BRCA1: variants seen among roughly 807,000 people sequenced by gnomAD.
BRCA1 encodes BRCA1 DNA repair associated.
Under a neutral mutation model 173.7 loss-of-function variants are expected in BRCA1, and 140 were observed. That is an observed-to-expected ratio of 0.81 (90% CI 0.70 to 0.93). The LOEUF (loss-of-function observed/expected upper bound fraction) is 0.93, where lower values mean the gene tolerates loss of function less well. Ranked by LOEUF, BRCA1 falls within the 40% of genes least tolerant of loss-of-function variation. The probability of loss-of-function intolerance (pLI) is 0.00; values close to 1 mark genes in which losing one functional copy is unlikely to be tolerated. For missense variants in BRCA1, 1,983 were observed against 2,172.5 expected, an observed-to-expected ratio of 0.91 and a Z score of 1.73; for synonymous variants, 662 against 756.0, an observed-to-expected ratio of 0.88 and a Z score of 2.04.
Position 43,093,743 on chromosome 17 carries a change from G to A in BRCA1, c.1788C>T (p.Leu596=), listed in dbSNP as rs779253414. 3.1e-6 allele frequency: 5 copies of A among 1,613,930 alleles called. No individual in the cohort carries two copies. Among genetic ancestry groups the A allele is most frequent in the Non-Finnish European group, 3.4e-6 (4 of 1,179,994 alleles). The change falls in exon 10 of 23, where the codon CTC becomes CTT. Residue 596 remains leucine, a synonymous_variant. Coordinates refer to ENST00000357654, the MANE Select transcript of BRCA1 (RefSeq NM_007294.4). The part of the protein sequence containing the change: ...PISSSISNME[L]ELNIHNSKAP... ...CTTTTGAATTGTGGATATTTAATTC[G>A]AGTTCCATATTGCTTATACTGCTGC...
chr17:43,123,329 C>G (rs1238220153), intron 2 of BRCA1, among the ~76,000 whole-genome samples: 9 of 146,476 alleles, frequency 6.1e-5, no homozygotes, highest in Admixed American at 2.1e-4. Context: ...CCTATCCTCT[C>G]AACGACACCG....
chr17:43,114,543 T>C (rs779714034), intron 3 of BRCA1, among the ~76,000 whole-genome samples: 56 of 151,960 alleles, frequency 3.7e-4, no homozygotes, highest in Non-Finnish European at 5.9e-5. Flanking sequence ...TTCTAGGAAA[T>C]TCATAAAGAC....
chr17:43,093,034 A>G lies in BRCA1; in HGVS notation c.2497T>C (p.Leu833=), dbSNP rs887578121. ...RNDTEGFKYP[L]GHEVNHSRET... Reference sequence around the variant, plus strand: ...CGACTGTGGTTAACTTCATGTCCCAATGGATACTTAAAGCCTTCTGTGTCA... The same window carrying G: ...CGACTGTGGTTAACTTCATGTCCCAGTGGATACTTAAAGCCTTCTGTGTCA... Residue 833 remains leucine (L), a synonymous_variant, in exon 10 of 23, where the codon TTG becomes CTG. Transcript: ENST00000357654. 5 of 1,613,792 alleles carry G rather than the reference A, an allele frequency of 3.1e-6. No individual in the cohort carries two copies. Among genetic ancestry groups the G allele is most frequent in the African/African-American group, 1.3e-5 (1 of 74,934 alleles).
chr17:43,153,312 G>A (rs2056175031), intron 1 of BRCA1, among the ~76,000 whole-genome samples: 1 of 152,168 alleles, frequency 6.6e-6, no homozygotes, highest in South Asian at 2.1e-4. Context: ...AGGAGCTGAA[G>A]TCCTTTAAAA....
intron 10 of BRCA1, 147 bp downstream of exon 10, chr17:43,091,288 G>T: frequency 8.9e-7 from 1 of 1,117,436 alleles, no homozygotes; most frequent in Non-Finnish European, 1.3e-6. Context: ...TCTATGAAAA[G>T]CACCTTAGGA....
chr17:43,121,089 G>A (rs2055540474), intron 2 of BRCA1, among the ~76,000 whole-genome samples: 1 of 139,242 alleles, frequency 7.2e-6, no homozygotes, highest in Admixed American at 7.2e-5. Flanking sequence ...AAAAAAAAAG[G>A]TCCAGGCCGG....
At chr17:43,087,756 A>G (rs1430640269) in intron 11 of BRCA1, among the ~76,000 whole-genome samples, 2 of 152,088 alleles carry the variant, frequency 1.3e-5, no homozygotes, top group Admixed American at 6.6e-5. Flanking sequence ...TGTTTTTGAG[A>G]CAGGGTCTCA....
At chr17:43,126,703 C>CT (rs2154580914), upstream of BRCA1, among the ~76,000 whole-genome samples, 1 of 152,242 alleles carries the variant, frequency 6.6e-6, no homozygotes, top group South Asian at 2.1e-4. Context: ...CTCGCTCGCT[C>CT]TCGGCGCCTC....
At chr17:43,131,848 A>G (rs34239244) in intron 1 of BRCA1, among the ~76,000 whole-genome samples, 45,543 of 151,758 alleles carry the variant, frequency 0.3, 7,344 homozygotes, top group South Asian at 0.49. Context: ...CAGTGGCGCA[A>G]TCTCAGCTCA....
intron 1 of BRCA1, chr17:43,167,304 C>T (rs1286659029): frequency 6.6e-6 from 1 of 152,184 alleles, no homozygotes; most frequent in Non-Finnish European, 1.5e-5. Context: ...GTTTATTAGG[C>T]CAGGGGCATC....
chr17:43,115,629 G>T, intron 3 of BRCA1, 97 bp downstream of exon 3: 2 of 1,212,550 alleles, frequency 1.6e-6, no homozygotes, highest in East Asian at 2.5e-5. Flanking sequence ...TCACTTAATT[G>T]AAGAAAGTAA....
chr17:43,129,827 G>A (rs2055950921), upstream of BRCA1, among the ~76,000 whole-genome samples: 7 of 152,178 alleles, frequency 4.6e-5, 1 homozygote, highest in South Asian at 1.4e-3. Flanking sequence ...GCTTTTGGCA[G>A]ACTGAGTCAG....
In BRCA1 at chr17:43,070,983, T is replaced by C. The variant is rs80357016; in HGVS notation, c.4931A>G (p.Glu1644Gly). The part of the protein sequence containing the change: ...REKPELTAST[E>G]RVNKRMSMVV... ...CATGGACATTCTTTTGTTGACCCTTTCTGTTGAAGCTGTCAATTCTGGCTT... is the reference window on the plus strand; with the variant it reads ...CATGGACATTCTTTTGTTGACCCTTCCTGTTGAAGCTGTCAATTCTGGCTT... Residue 1644 changes from glutamate (E) to glycine (G), a missense_variant, in exon 15 of 23, where the codon GAA (glutamate) becomes GGA (glycine). Transcript: ENST00000357654. The C allele has an allele frequency of 2.5e-6, 4 of 1,614,272 alleles. No homozygotes were observed. The highest frequency in any genetic ancestry group is 3.4e-6 in the Non-Finnish European group (4 of 1,180,052).
In BRCA1 at chr17:43,138,588, G is replaced by T. The variant is rs1346865234; in HGVS notation, c.-19-14473C>A. ...AAGTATAAGTAGGGCTCCCCACCAT[G>T]CCTGGATGTGGAGTTGTGCTGCAGA... On this transcript the variant is annotated intron_variant, in intron 1 of 7. Coordinates refer to the BRCA1 transcript ENST00000634433. The T allele has an allele frequency of 1.1e-5, 8 of 727,078 alleles. No individual in the cohort carries two copies. In the South Asian group the frequency reaches 1.2e-4, roughly 11 times the overall value. The allele number at this position is 727,078 out of a possible 1,614,324, so 45.0% of individuals were successfully genotyped here.
upstream of BRCA1, among the ~76,000 whole-genome samples, chr17:43,126,529 C>A (rs1442667246): frequency 6.6e-6 from 1 of 152,172 alleles, no homozygotes; most frequent in Non-Finnish European, 1.5e-5. Flanking sequence ...AGGGAGGAAT[C>A]CTGCAAAGAA....
At chr17:43,100,718 T>G (rs2054435514) in intron 6 of BRCA1, among the ~76,000 whole-genome samples, 1 of 75,406 alleles carries the variant, frequency 1.3e-5, no homozygotes, top group African/African-American at 4.1e-5. Flanking sequence ...CCCAGCACTT[T>G]GGGATATATG....
At chr17:43,053,250 A>G (rs2051326047) in intron 19 of BRCA1, among the ~76,000 whole-genome samples, 1 of 152,192 alleles carries the variant, frequency 6.6e-6, no homozygotes, top group African/African-American at 2.4e-5. Flanking sequence ...ATAATGCTAG[A>G]AGTTCTCCCC....
chr17:43,082,373 A>G (rs769483972), intron 12 of BRCA1, 31 bp downstream of exon 12: 1 of 1,607,460 alleles, frequency 6.2e-7, no homozygotes, highest in Non-Finnish European at 8.5e-7. Flanking sequence ...AATTTTGCTT[A>G]AGATATCAGT....
intron 1 of BRCA1, among the ~76,000 whole-genome samples, chr17:43,150,750 AT>A (rs2056155546): frequency 6.6e-6 from 1 of 152,098 alleles, no homozygotes; most frequent in South Asian, 2.1e-4. Flanking sequence ...AAACAACTCC[AT>A]TTGGGGATCT....
Sources: gnomAD v4.1 joint callset for allele counts (sites outside exome capture counted in the v4.1 genomes callset) on GRCh38, gnomAD v4.1.1 for gene constraint, MANE v1.5 for transcripts, NCBI Gene and HGNC (gene_info 2026-07-23, HGNC 2026-07-21) for gene names.